Variants in CHRD observed in about 807,000 individuals in gnomAD.
CHRD encodes chordin.
Under a neutral mutation model 113.7 loss-of-function variants are expected in CHRD, and 69 were observed. The ratio of observed to expected loss-of-function variants is 0.61; its 90% CI spans 0.50 to 0.74. The LOEUF is 0.74. CHRD is among the 30% of genes least tolerant of loss of function. The pLI is 0.00. For missense variants in CHRD, 1,194 were observed against 1,295.8 expected (o/e 0.92, Z 1.21); for synonymous variants, 561 against 540.8 (o/e 1.04, Z -0.52).
exon 14 of CHRD, chr3:184,385,238 G>A (rs1215398143): frequency 1.9e-6 from 3 of 1,610,588 alleles, no homozygotes; most frequent in South Asian, 1.1e-5. Context: ...ATGGCTCAGA[G>A]GTAAGGATGT....
At position 184,380,896 on chromosome 3, in the gene CHRD, G is replaced by C; in HGVS notation, c.252+101G>C. The C allele has an allele frequency of 1.1e-6, 1 of 894,660 alleles. No homozygotes were observed. Among genetic ancestry groups the C allele is most frequent in the African/African-American group, 1.6e-5 (1 of 60,864 alleles). 55.4% of individuals were successfully genotyped at this position (894,660 alleles called of 1,614,324 possible). On this transcript the variant is annotated intron_variant, in intron 2 of 22. Coordinates refer to ENST00000204604, the Ensembl canonical transcript of CHRD. The surrounding 1 kb of genome is among the most constrained non-coding windows in gnomAD (Gnocchi z 6.3). The stretch of plus-strand genomic sequence containing the variant: ...GGAGCTGCTGAGAAGGAGCCCAGTC[G>C]GCAGATGTTGGGGATATTTTTCTGG...
At position 184,384,483 on chromosome 3, in the gene CHRD, C is replaced by T. The variant is rs1359490535; in HGVS notation, c.1441-54C>T. ...GGGGGCACAAAATGGTCCAAGACTT[C>T]AGAACCTTGGACTCGTGTGAGAGCT... On this transcript the variant is annotated intron_variant, in intron 12 of 22. Transcript: ENST00000204604. This position sits in a 1 kb window ranked among gnomAD's most constrained non-coding sequence, Gnocchi z 4.4. 6.4e-6 allele frequency: 9 copies of T among 1,416,806 alleles called. No individual in the cohort carries two copies. The highest frequency in any genetic ancestry group is 8.3e-6 in the Non-Finnish European group (9 of 1,084,706). The allele number at this position is 1,416,806 out of a possible 1,614,324, so 87.8% of individuals were successfully genotyped here. A position where few individuals can be genotyped will look rare whatever the true frequency, so the allele number is the denominator to read the frequency against.
rs1220991607 is a variant in CHRD, at chr3:184,387,366, C to T, written c.2348-8C>T. Reference sequence around the variant, plus strand: ...TACTAATGGCTGCTGGGCCCTGTTCCCCACCAGGCTGCTATTTTGATGGTG... The same window carrying T: ...TACTAATGGCTGCTGGGCCCTGTTCTCCACCAGGCTGCTATTTTGATGGTG... On this transcript the variant is annotated splice_polypyrimidine_tract_variant and splice_region_variant and intron_variant, in intron 18 of 22. Transcript: ENST00000204604. The surrounding 1 kb of genome is among the most constrained non-coding windows in gnomAD (Gnocchi z 6.1). 1 of 1,605,332 alleles carries T rather than the reference C, an allele frequency of 6.2e-7. No individual in the cohort carries two copies. Among genetic ancestry groups the T allele is most frequent in the East Asian group, 2.2e-5 (1 of 44,860 alleles).
rs1716018052 is a variant in CHRD, at chr3:184,384,756, G to A, written c.1597+63G>A. On this transcript the variant is annotated intron_variant, in intron 13 of 22. Transcript: ENST00000204604. This position sits in a 1 kb window ranked among gnomAD's most constrained non-coding sequence, Gnocchi z 4.4. ...CTAGAACATTTGAGGGATGGTGGCA[G>A]ACAGCCGGAGCCTGGTGTGTCTTTC... The A allele has an allele frequency of 1.3e-6, 2 of 1,495,522 alleles. No individual in the cohort carries two copies. The highest frequency in any genetic ancestry group is 1.4e-5 in the African/African-American group (1 of 71,488). The allele number at this position is 1,495,522 out of a possible 1,614,324, so 92.6% of individuals were successfully genotyped here. A position where few individuals can be genotyped will look rare whatever the true frequency, so the allele number is the denominator to read the frequency against.
In CHRD at chr3:184,387,447, C is replaced by T; in HGVS notation, c.2421C>T (p.Gly807=). Residue 807 remains glycine, a synonymous_variant, in exon 19 of 23, where the codon GGC becomes GGT. Transcript: ENST00000204604. This position sits in a 1 kb window ranked among gnomAD's most constrained non-coding sequence, Gnocchi z 6.1. ...GGCACCCCGTTGTGCCCCCCTTTGGCTTAATTAAGTGTGCTGTCTGCACCT... is the reference window on the plus strand; with the variant it reads ...GGCACCCCGTTGTGCCCCCCTTTGGTTTAATTAAGTGTGCTGTCTGCACCT... 2 of 1,612,462 alleles carry T rather than the reference C, an allele frequency of 1.2e-6. No individual in the cohort carries two copies. The highest frequency in any genetic ancestry group is 2.2e-5 in the East Asian group (1 of 44,862).
chr3:184,386,819 G>A (rs778511274), intron 16 of CHRD, 26 bp from the exon 17 acceptor site: 9 of 1,613,936 alleles, frequency 5.6e-6, no homozygotes, highest in South Asian at 3.3e-5. Flanking sequence ...GGACACTCCC[G>A]TCAATGCCTC....
chr3:184,380,492 G>T lies in CHRD; in HGVS notation c.148+26G>T, dbSNP rs896253227. Reference sequence around the variant, plus strand: ...GTAGGTGGGCGCCCGGGGGAGGCGCGGGCGGGGAGTCGGGCTCGGGGCGAG... The same window carrying T: ...GTAGGTGGGCGCCCGGGGGAGGCGCTGGCGGGGAGTCGGGCTCGGGGCGAG... On this transcript the variant is annotated intron_variant, in intron 1 of 22. Coordinates refer to ENST00000204604, the Ensembl canonical transcript of CHRD. The surrounding 1 kb of genome is among the most constrained non-coding windows in gnomAD (Gnocchi z 6.3). 4 of 1,165,240 alleles carry T rather than the reference G, an allele frequency of 3.4e-6. No individual in the cohort carries two copies. The highest frequency in any genetic ancestry group is 4.2e-6 in the Non-Finnish European group (4 of 942,436). The allele number at this position is 1,165,240 out of a possible 1,614,324, so 72.2% of individuals were successfully genotyped here. A position where few individuals can be genotyped will look rare whatever the true frequency, so the allele number is the denominator to read the frequency against.
chr3:184,383,725 T>G, intron 12 of CHRD, 83 bp downstream of exon 12: 4 of 1,354,420 alleles, frequency 3.0e-6, no homozygotes, highest in Non-Finnish European at 4.0e-6. Context: ...GGATGTTCAT[T>G]ATCATCCACT....
intron 12 of CHRD, 132 bp downstream of exon 12, chr3:184,383,774 A>ATT: frequency 5.0e-6 from 3 of 603,948 alleles, no homozygotes; most frequent in Non-Finnish European, 7.2e-6. Flanking sequence ...TATTCATTTG[A>ATT]CTTTTTTTTT....
Position 184,387,235 on chromosome 3 carries a change from A to G in CHRD, c.2347+128A>G. 4 of 1,264,128 alleles carry G rather than the reference A, an allele frequency of 3.2e-6. No homozygotes were observed. The South Asian group carries it at 5.1e-5, about 16-fold the overall frequency. The allele number at this position is 1,264,128 out of a possible 1,614,324, so 78.3% of individuals were successfully genotyped here. On this transcript the variant is annotated intron_variant, in intron 18 of 22. Transcript: ENST00000204604. The surrounding 1 kb of genome is among the most constrained non-coding windows in gnomAD (Gnocchi z 6.1). ...GGGCACAGATTCCAAGTGATGCCTG[A>G]CAGGACTCATTAGTGTTACTGGCCC...
At position 184,381,131 on chromosome 3, in the gene CHRD, G is replaced by T. The variant is rs748698578; in HGVS notation, c.253-104G>T. ...TAGCTTGTCTAGGGTCACGCAGCTT[G>T]TAAGTGGCAGAGCTGGCTGACTCTG... is the stretch of plus-strand genomic sequence containing the variant. On this transcript the variant is annotated intron_variant, in intron 2 of 22. Coordinates refer to ENST00000204604, the Ensembl canonical transcript of CHRD. This position sits in a 1 kb window ranked among gnomAD's most constrained non-coding sequence, Gnocchi z 4.7. 3.0e-6 allele frequency: 4 copies of T among 1,336,884 alleles called. No homozygotes were observed. The highest frequency in any genetic ancestry group is 4.3e-6 in the Non-Finnish European group (4 of 934,966). The allele number at this position is 1,336,884 out of a possible 1,614,324, so 82.8% of individuals were successfully genotyped here. A position where few individuals can be genotyped will look rare whatever the true frequency, so the allele number is the denominator to read the frequency against.
In CHRD at chr3:184,386,621, CTA is replaced by C; in HGVS notation, c.2063_2064del (p.Leu688ArgfsTer51). 1 of 1,608,360 alleles carries C rather than the reference CTA, an allele frequency of 6.2e-7. No individual in the cohort carries two copies. Among genetic ancestry groups the C allele is most frequent in the Non-Finnish European group, 8.5e-7 (1 of 1,179,174 alleles). On this transcript the variant is annotated frameshift_variant, in exon 16 of 23. Transcript: ENST00000204604. LOFTEE classifies it high-confidence loss of function. ...GCCTGTGGTGCCTGGTCTCCCGGCC[CTA>C]GCGCCCGCCAAACCTGGTGGTCCTG...
Position 184,387,422 on chromosome 3 carries a change from G to A in CHRD, c.2396G>A (p.Trp799Ter), listed in dbSNP as rs1439145501. Residue 799 changes from tryptophan to a stop codon, truncating the protein, a stop_gained, in exon 19 of 23, where the codon TGG (tryptophan) becomes TAG (stop). Transcript: ENST00000204604. LOFTEE classifies it high-confidence loss of function. This position sits in a 1 kb window ranked among gnomAD's most constrained non-coding sequence, Gnocchi z 6.1. ...AGCTGGCGGGCAGCGGGTACGCGGT[G>A]GCACCCCGTTGTGCCCCCCTTTGGC... 1 of 1,613,092 alleles carries A rather than the reference G, an allele frequency of 6.2e-7. No individual in the cohort carries two copies. The highest frequency in any genetic ancestry group is 8.5e-7 in the Non-Finnish European group (1 of 1,179,682).
chr3:184,388,769 G>T lies in CHRD; in HGVS notation c.2709+28G>T. 1.9e-6 allele frequency: 3 copies of T among 1,612,578 alleles called. No individual in the cohort carries two copies. ...AAGTGGGGAGCAGAGGCTTGTGTGA[G>T]GTGGGTACTGGGAGCCTGGTCTGGA... On this transcript the variant is annotated intron_variant, in intron 21 of 22. Coordinates refer to ENST00000204604, the Ensembl canonical transcript of CHRD. This position sits in a 1 kb window ranked among gnomAD's most constrained non-coding sequence, Gnocchi z 6.1.
exon 23 of CHRD, chr3:184,389,708 G>A: frequency 2.5e-6 from 1 of 395,700 alleles, no homozygotes; most frequent in Non-Finnish European, 4.6e-6. Context: ...TGGCTTGTTG[G>A]GATTTTTAAT....
In CHRD at chr3:184,387,124, C is replaced by A. The variant is rs755758709; in HGVS notation, c.2347+17C>A. On this transcript the variant is annotated intron_variant, in intron 18 of 22. Coordinates refer to ENST00000204604, the Ensembl canonical transcript of CHRD. The surrounding 1 kb of genome is among the most constrained non-coding windows in gnomAD (Gnocchi z 6.1). ...CAGGAGAGGGTGAGCTGGAAGGGTG[C>A]GTGCAGGGTGGGAGGCCCCAGAGGA... 6.2e-7 allele frequency: 1 copy of A among 1,611,358 alleles called. No homozygotes were observed. The highest frequency in any genetic ancestry group is 1.1e-5 in the South Asian group (1 of 90,992).
rs755279656 is a variant in CHRD at position 184,381,105 on chromosome 3, G to C, written c.253-130G>C. 3 of 1,041,212 alleles carry C rather than the reference G, an allele frequency of 2.9e-6. No homozygotes were observed. The highest frequency in any genetic ancestry group is 4.5e-6 in the Non-Finnish European group (3 of 670,284). 64.5% of individuals were successfully genotyped at this position (1,041,212 alleles called of 1,614,324 possible). A position where few individuals can be genotyped will look rare whatever the true frequency, so the allele number is the denominator to read the frequency against. On this transcript the variant is annotated intron_variant, in intron 2 of 22. Transcript: ENST00000204604. The surrounding 1 kb of genome is among the most constrained non-coding windows in gnomAD (Gnocchi z 4.7). The stretch of plus-strand genomic sequence containing the variant: ...GGACCTTGAGGCCCAGAGAGATGAA[G>C]TAGCTTGTCTAGGGTCACGCAGCTT...
chr3:184,381,856 G>T lies in CHRD; in HGVS notation c.611+41G>T, dbSNP rs923500448. 1 of 1,610,598 alleles carries T rather than the reference G, an allele frequency of 6.2e-7. No individual in the cohort carries two copies. The highest frequency in any genetic ancestry group is 8.5e-7 in the Non-Finnish European group (1 of 1,178,308). On this transcript the variant is annotated intron_variant, in intron 5 of 22. Transcript: ENST00000204604. This position sits in a 1 kb window ranked among gnomAD's most constrained non-coding sequence, Gnocchi z 4.7. The stretch of plus-strand genomic sequence containing the variant: ...GAGCAAGGAGGGGTCAGCTGCCGGG[G>T]CCCGGGAGGGAAACTGGGAGAGCTG...
In CHRD at chr3:184,384,474, C is replaced by T. The variant is rs1715971784; in HGVS notation, c.1441-63C>T. On this transcript the variant is annotated intron_variant, in intron 12 of 22. Transcript: ENST00000204604. The surrounding 1 kb of genome is among the most constrained non-coding windows in gnomAD (Gnocchi z 4.4). The stretch of plus-strand genomic sequence containing the variant: ...GGGTGGAGTGGGGGCACAAAATGGT[C>T]CAAGACTTCAGAACCTTGGACTCGT... 7.2e-7 allele frequency: 1 copy of T among 1,391,186 alleles called. No individual in the cohort carries two copies. Among genetic ancestry groups the T allele is most frequent in the Non-Finnish European group, 9.3e-7 (1 of 1,071,354 alleles). 86.2% of individuals were successfully genotyped at this position (1,391,186 alleles called of 1,614,324 possible).
Sources: gnomAD v4.1 joint callset for allele counts on GRCh38, gnomAD v4.1.1 for gene constraint, Gnocchi (gnomAD v3.1) non-coding constraint, MANE v1.5 for transcripts, NCBI Gene and HGNC (gene_info 2026-07-23, HGNC 2026-07-21) for gene names.